SPATA31H1: variants seen among roughly 807,000 people sequenced by gnomAD.
SPATA31H1 encodes SPATA31 subfamily H member 1.
chr2:27,541,609 A>G, the SPATA31H1 span, among the ~76,000 whole-genome samples: 1 of 152,120 alleles, frequency 6.6e-6, no homozygotes, highest in South Asian at 2.1e-4. Flanking sequence ...TTTTTAAACG[A>G]CATAGGCAAC....
At chr2:27,555,361 G>A in the SPATA31H1 span, among the ~76,000 whole-genome samples, 1 of 151,826 alleles carries the variant, frequency 6.6e-6, no homozygotes, top group Non-Finnish European at 1.5e-5. Context: ...AATTTTGAAG[G>A]GTAGTTTCAC....
the SPATA31H1 span, chr2:27,537,641 G>T: frequency 1.5e-6 from 1 of 683,190 alleles, no homozygotes; most frequent in Non-Finnish European, 2.7e-6. Flanking sequence ...CCATACTTTG[G>T]GCCATGGGAG....
chr2:27,545,481 A>G, the SPATA31H1 span, among the ~76,000 whole-genome samples: 2 of 152,098 alleles, frequency 1.3e-5, no homozygotes, highest in African/African-American at 4.8e-5. Context: ...AGTAGATGAC[A>G]CCAGTTTTCT....
chr2:27,574,115 G>T, the SPATA31H1 span: 25 of 398,354 alleles, frequency 6.3e-5, no homozygotes, highest in Non-Finnish European at 9.3e-5. Context: ...TCAAACCTGG[G>T]CCACAGTTGC....
chr2:27,541,440 G>T, the SPATA31H1 span, among the ~76,000 whole-genome samples: 1 of 151,922 alleles, frequency 6.6e-6, no homozygotes, highest in East Asian at 1.9e-4. Flanking sequence ...GGGAGAGGGA[G>T]AGACACCAAC....
the SPATA31H1 span, chr2:27,579,327 G>A: frequency 6.2e-7 from 1 of 1,614,212 alleles, no homozygotes; most frequent in East Asian, 2.2e-5. Context: ...AAGAGCCACT[G>A]CAGATACCTG....
At chr2:27,559,003 C>T in the SPATA31H1 span, among the ~76,000 whole-genome samples, 28 of 151,496 alleles carry the variant, frequency 1.8e-4, no homozygotes, top group Admixed American at 2.7e-4. Context: ...TTTATTACAC[C>T]AATATCTGGA....
the SPATA31H1 span, chr2:27,570,843 G>A: frequency 6.3e-5 from 25 of 398,852 alleles, no homozygotes; most frequent in Non-Finnish European, 9.3e-5. Context: ...TGAAGCTGAA[G>A]TTTCCTATAA....
chr2:27,540,565 G>T, the SPATA31H1 span, among the ~76,000 whole-genome samples: 1 of 140,464 alleles, frequency 7.1e-6, no homozygotes, highest in African/African-American at 2.7e-5. Context: ...GGTGGCTGCC[G>T]GGCGGAGACG....
At chr2:27,539,109 T>C in the SPATA31H1 span, among the ~76,000 whole-genome samples, 47 of 134,380 alleles carry the variant, frequency 3.5e-4, no homozygotes, top group Middle Eastern at 3.6e-3. Context: ...TTCTTTTTTT[T>C]TTTTTTTTTT....
the SPATA31H1 span, among the ~76,000 whole-genome samples, chr2:27,546,592 G>A: frequency 6.6e-6 from 1 of 151,994 alleles, no homozygotes; most frequent in Non-Finnish European, 1.5e-5. Context: ...AAGTGCAGTG[G>A]TGTGATTACA....
At chr2:27,559,033 A>G in the SPATA31H1 span, among the ~76,000 whole-genome samples, 1 of 152,004 alleles carries the variant, frequency 6.6e-6, no homozygotes, top group Non-Finnish European at 1.5e-5. Context: ...ATTTGTTTTT[A>G]TTCCCCATGT....
chr2:27,582,352 G>A, the SPATA31H1 span: 1 of 1,614,216 alleles, frequency 6.2e-7, no homozygotes, highest in Non-Finnish European at 8.5e-7. Flanking sequence ...AACCATTGCA[G>A]TCCCTCTGAG....
the SPATA31H1 span, chr2:27,582,643 T>G: frequency 9.7e-7 from 1 of 1,030,040 alleles, no homozygotes; most frequent in Non-Finnish European, 1.4e-6. Context: ...TGGAAAGGCT[T>G]CCATTTCTCT....
At chr2:27,566,234 C>T in the SPATA31H1 span, 1 of 710,240 alleles carries the variant, frequency 1.4e-6, no homozygotes, top group African/African-American at 1.8e-5. Flanking sequence ...TATTGTTTTC[C>T]TTACTGGTAC....
the SPATA31H1 span, among the ~76,000 whole-genome samples, chr2:27,541,790 A>G: frequency 5.9e-5 from 9 of 151,846 alleles, no homozygotes; most frequent in Non-Finnish European, 1.2e-4. Context: ...TAAATTTTTT[A>G]TTTTTGAGAC....
the SPATA31H1 span, among the ~76,000 whole-genome samples, chr2:27,549,072 CAAAA>C: frequency 1.9e-5 from 1 of 53,306 alleles, no homozygotes; most frequent in African/African-American, 6.0e-5. Context: ...GACTCCGTCT[CAAAA>C]AAAAAAAAAA....
chr2:27,546,872 AT>A, the SPATA31H1 span, among the ~76,000 whole-genome samples: 3 of 152,044 alleles, frequency 2.0e-5, no homozygotes, highest in Admixed American at 6.5e-5. Flanking sequence ...ATGCAAAAAA[AT>A]CCATGATGAA....
the SPATA31H1 span, chr2:27,568,230 T>C: frequency 1.3e-5 from 5 of 398,894 alleles, no homozygotes. Flanking sequence ...AATGAACACA[T>C]TGTTGAACCA....
Sources: gnomAD v4.1 joint callset for allele counts (sites outside exome capture counted in the v4.1 genomes callset) on GRCh38, gnomAD v4.1.1 for gene constraint, MANE v1.5 for transcripts, NCBI Gene and HGNC (gene_info 2026-07-23, HGNC 2026-07-21) for gene names.